Variants in INPP4B observed in about 807,000 individuals in gnomAD.
INPP4B encodes the protein inositol polyphosphate 4-phosphatase type II.
Under a neutral mutation model 122.5 loss-of-function variants are expected in INPP4B, and 55 were observed. The ratio of observed to expected loss-of-function variants is 0.45; its 90% confidence interval spans 0.36 to 0.56. The LOEUF is 0.56. Ranked by LOEUF, INPP4B falls within the 20% of genes least tolerant of loss-of-function variation. INPP4B has a pLI of 0.00. For missense variants in INPP4B, 1,000 were observed against 1,097.7 expected (o/e 0.91, Z 1.26); for synonymous variants, 403 against 388.7 (o/e 1.04, Z -0.43).
At chr4:142,740,188 T>C (rs1444237335) in intron 1 of INPP4B, among the ~76,000 whole-genome samples, 1 of 151,920 alleles carries the variant, frequency 6.6e-6, no homozygotes. Flanking sequence ...TTTTGCAATG[T>C]GGAAAGCACA....
chr4:142,332,581 G>A (rs940020650), intron 7 of INPP4B, among the ~76,000 whole-genome samples: 54 of 152,082 alleles, frequency 3.6e-4, no homozygotes, highest in African/African-American at 1.2e-3. Flanking sequence ...ACCTTTAAAA[G>A]TAATTTAATT....
At chr4:142,734,842 A>G (rs1245943895) in intron 1 of INPP4B, among the ~76,000 whole-genome samples, 2 of 152,132 alleles carry the variant, frequency 1.3e-5, no homozygotes, top group Admixed American at 6.5e-5. Flanking sequence ...ATGGGGTTAC[A>G]CCATGTTGGT....
intron 2 of INPP4B, among the ~76,000 whole-genome samples, chr4:142,546,385 C>T (rs1829652373): frequency 6.6e-6 from 1 of 151,972 alleles, no homozygotes; most frequent in Admixed American, 6.6e-5. Context: ...GTGAATAATA[C>T]ACAATGAACA....
chr4:142,263,641 T>TAA (rs1741267476), intron 10 of INPP4B, among the ~76,000 whole-genome samples: 5 of 39,576 alleles, frequency 1.3e-4, no homozygotes, highest in Admixed American at 3.2e-4. Flanking sequence ...ATTCGTAAAA[T>TAA]ATATATATAT....
chr4:142,258,854 G>C (rs1222640649), intron 11 of INPP4B, among the ~76,000 whole-genome samples: 1 of 152,142 alleles, frequency 6.6e-6, no homozygotes, highest in Non-Finnish European at 1.5e-5. Context: ...CCATTACTGG[G>C]TATATACCCA....
intron 2 of INPP4B, among the ~76,000 whole-genome samples, chr4:142,509,979 T>TAAAGGAAATAA (rs1824505924): frequency 6.6e-6 from 1 of 152,178 alleles, no homozygotes; most frequent in Admixed American, 6.5e-5. Flanking sequence ...ATAAATGGCA[T>TAAAGGAAATAA]CTAATTAAGT....
At chr4:142,546,056 G>A (rs1235701003) in intron 2 of INPP4B, among the ~76,000 whole-genome samples, 2 of 151,894 alleles carry the variant, frequency 1.3e-5, no homozygotes, top group African/African-American at 4.8e-5. Flanking sequence ...GTACTGATTA[G>A]TGATTTTTCC....
At chr4:142,494,816 A>G (rs933156038) in intron 2 of INPP4B, among the ~76,000 whole-genome samples, 6 of 151,986 alleles carry the variant, frequency 3.9e-5, no homozygotes, top group African/African-American at 1.4e-4. Flanking sequence ...TCCCAAATTC[A>G]GTCTTTGCTC....
At chr4:142,441,480 T>C (rs1358167032) in intron 3 of INPP4B, among the ~76,000 whole-genome samples, 1 of 152,198 alleles carries the variant, frequency 6.6e-6, no homozygotes, top group Admixed American at 6.5e-5. Flanking sequence ...GTTTTACTCA[T>C]GTTGTTCTGA....
At chr4:142,453,040 A>C (rs2149522604) in intron 3 of INPP4B, among the ~76,000 whole-genome samples, 1 of 152,328 alleles carries the variant, frequency 6.6e-6, no homozygotes, top group East Asian at 1.9e-4. Flanking sequence ...ACCTAAGGTG[A>C]CAGGTTTTTT....
chr4:142,259,104 G>A (rs552527670), intron 11 of INPP4B, among the ~76,000 whole-genome samples: 13 of 149,718 alleles, frequency 8.7e-5, no homozygotes, highest in Admixed American at 2.0e-4. Context: ...TATCACAAGA[G>A]CAAAAAACCA....
At chr4:142,715,591 G>A (rs1344595747) in intron 2 of INPP4B, among the ~76,000 whole-genome samples, 1 of 152,192 alleles carries the variant, frequency 6.6e-6, no homozygotes, top group Non-Finnish European at 1.5e-5. Context: ...AAAGCAAAGT[G>A]TGTAGAAATA....
At chr4:142,112,833 C>T (rs1790907317) in intron 21 of INPP4B, 151 bp from the exon 22 acceptor site, 1 of 599,600 alleles carries the variant, frequency 1.7e-6, no homozygotes, top group East Asian at 3.2e-5. Context: ...CATTCATCTC[C>T]TTATTAAATT....
At chr4:142,152,372 G>A (rs1428436001) in intron 17 of INPP4B, among the ~76,000 whole-genome samples, 1 of 151,806 alleles carries the variant, frequency 6.6e-6, no homozygotes, top group Non-Finnish European at 1.5e-5. Context: ...ACCGCACCCG[G>A]CACTTTTTTT....
At chr4:142,118,535 A>C (rs1173167151) in intron 21 of INPP4B, among the ~76,000 whole-genome samples, 10 of 152,108 alleles carry the variant, frequency 6.6e-5, no homozygotes, top group Admixed American at 3.9e-4. Context: ...CAAAAACAAG[A>C]AATGGGGAAA....
intron 7 of INPP4B, among the ~76,000 whole-genome samples, chr4:142,364,704 A>G (rs1366729225): frequency 6.6e-6 from 1 of 152,096 alleles, no homozygotes; most frequent in South Asian, 2.1e-4. Flanking sequence ...AGCCTCAAGT[A>G]GTAAGAGGCA....
rs138509782 is a variant in INPP4B at position 142,358,843 on chromosome 4, T to C, written c.373-44081A>G. ...GCTGTATGCTTAACAATGCCTCAGG[T>C]ATATGCCTAGATGCAACATTGCTGT... On this transcript the variant is annotated intron_variant, in intron 7 of 25. Coordinates refer to ENST00000262992, the MANE Select transcript of INPP4B (RefSeq NM_001101669.3). Among the ~76,000 whole-genome samples, 15 of 152,066 alleles carry C rather than the reference T, an allele frequency of 9.9e-5. No individual in the cohort carries two copies. The East Asian group carries it at 2.5e-3, about 26-fold the overall frequency.
intron 9 of INPP4B, among the ~76,000 whole-genome samples, chr4:142,299,366 T>G (rs1760342600): frequency 6.6e-6 from 1 of 151,986 alleles, no homozygotes; most frequent in African/African-American, 2.4e-5. Flanking sequence ...TTTGGCATGT[T>G]ATAGTTGCGA....
At chr4:142,448,928 C>G (rs1345043072) in intron 3 of INPP4B, among the ~76,000 whole-genome samples, 2 of 152,178 alleles carry the variant, frequency 1.3e-5, no homozygotes, top group East Asian at 3.9e-4. Flanking sequence ...GGCATGCTGG[C>G]TTCTCACGGA....
Sources: gnomAD v4.1 joint callset for allele counts (sites outside exome capture counted in the v4.1 genomes callset) on GRCh38, gnomAD v4.1.1 for gene constraint, MANE v1.5 for transcripts, NCBI Gene and HGNC (gene_info 2026-07-23, HGNC 2026-07-21) for gene names.